Variants in ABCA9 observed in about 807,000 individuals in gnomAD.
ABCA9 encodes ATP-binding cassette sub-family A member 9.
Under a neutral mutation model 205.3 loss-of-function variants are expected in ABCA9, and 183 were observed. The ratio of observed to expected loss-of-function variants is 0.89; its 90% CI spans 0.79 to 1.01. The LOEUF (loss-of-function observed/expected upper bound fraction) is 1.01, where lower values mean the gene tolerates loss of function less well. Ranked by LOEUF, ABCA9 falls within the 50% of genes least tolerant of loss-of-function variation. The pLI is 0.00. For synonymous variants in ABCA9, 651 were observed against 683.3 expected (o/e 0.95, Z 0.74); for missense variants, 1,805 against 1,912.4 (o/e 0.94, Z 1.05).
the ABCA9 span, among the ~76,000 whole-genome samples, chr17:69,067,568 A>G: frequency 6.7e-6 from 1 of 150,304 alleles, no homozygotes; most frequent in African/African-American, 2.4e-5. Flanking sequence ...TTGGAAAAAA[A>G]AAAAAAAGAA....
In ABCA9 at chr17:69,027,060, T is replaced by C. The variant is rs2071015515; in HGVS notation, c.1966A>G (p.Ile656Val). ...TTCCCCTCTTTCAGGAGATTCCATA[T>C]TCGGTGCCTTGAAAGAGGATCCAAT... ...AGLDPLSRHR[I>V]WNLLKEGKSD... The change falls in exon 15 of 39, where the codon ATA becomes GTA. Residue 656 changes from isoleucine (I) to valine (V), a missense_variant. Transcript: ENST00000340001. 1 of 1,614,186 alleles carries C rather than the reference T, an allele frequency of 6.2e-7. No individual in the cohort carries two copies. The highest frequency in any genetic ancestry group is 1.3e-5 in the African/African-American group (1 of 75,068).
intron 23 of ABCA9, 79 bp from the exon 24 acceptor site, chr17:69,008,314 G>T: frequency 7.4e-7 from 1 of 1,352,442 alleles, no homozygotes; most frequent in Non-Finnish European, 1.0e-6. Context: ...AGTCATGAAA[G>T]CATTCATTTT....
At chr17:69,065,795 A>C (rs977484191), upstream of ABCA9, among the ~76,000 whole-genome samples, 4 of 152,022 alleles carry the variant, frequency 2.6e-5, no homozygotes, top group Non-Finnish European at 5.9e-5. Flanking sequence ...CATAATCCCC[A>C]TGTGTCGTGG....
At chr17:68,998,777 T>C (rs1476221242) in intron 25 of ABCA9, among the ~76,000 whole-genome samples, 1 of 151,958 alleles carries the variant, frequency 6.6e-6, no homozygotes, top group Admixed American at 6.5e-5. Context: ...TCAGAATTCA[T>C]TATTAATTCT....
At chr17:68,985,294 A>G (rs1327211295) in intron 32 of ABCA9, among the ~76,000 whole-genome samples, 166 bp from the exon 33 acceptor site, 1 of 152,134 alleles carries the variant, frequency 6.6e-6, no homozygotes, top group African/African-American at 2.4e-5. Context: ...ATAGTCATCA[A>G]ACTCATATTT....
chr17:69,003,870 ATCT>A (rs2069990390), intron 25 of ABCA9, among the ~76,000 whole-genome samples: 1 of 151,806 alleles, frequency 6.6e-6, no homozygotes, highest in African/African-American at 2.4e-5. Context: ...CATTCATTTC[ATCT>A]TCCATCGCTG....
intron 6 of ABCA9, 106 bp downstream of exon 6, chr17:69,043,383 T>C (rs150591400): frequency 1.7e-4 from 143 of 828,826 alleles, no homozygotes; most frequent in African/African-American, 9.2e-4. Context: ...CATGGACCAG[T>C]AGCAGTCTGT....
At chr17:69,051,271 G>T in intron 1 of ABCA9, 132 bp from the exon 2 acceptor site, 1 of 709,660 alleles carries the variant, frequency 1.4e-6, no homozygotes, top group Non-Finnish European at 2.2e-6. Context: ...AAGCCAAAAG[G>T]CTAAAATAAA....
chr17:68,991,334 C>G (rs2069450171), intron 28 of ABCA9, among the ~76,000 whole-genome samples: 1 of 152,072 alleles, frequency 6.6e-6, no homozygotes, highest in African/African-American at 2.4e-5. Context: ...TTTGTGAGAG[C>G]CATGAGTCCA....
intron 19 of ABCA9, 132 bp downstream of exon 19, chr17:69,020,256 A>C (rs904750586): frequency 4.5e-5 from 38 of 847,278 alleles, no homozygotes; most frequent in Non-Finnish European, 6.7e-5. Flanking sequence ...TTAATTAAAA[A>C]ATGATTTCTT....
At chr17:68,979,020 T>C (rs940419081) in intron 37 of ABCA9, among the ~76,000 whole-genome samples, 1 of 152,068 alleles carries the variant, frequency 6.6e-6, no homozygotes. Flanking sequence ...GATGACATGA[T>C]TGTATATCTA....
intron 26 of ABCA9, among the ~76,000 whole-genome samples, chr17:68,993,898 CAG>C (rs2069533981): frequency 6.6e-6 from 1 of 152,026 alleles, no homozygotes; most frequent in Non-Finnish European, 1.5e-5. Context: ...TTTTATGGGA[CAG>C]AGTTTTGTTC....
intron 6 of ABCA9, among the ~76,000 whole-genome samples, chr17:69,041,058 A>T (rs894615855): frequency 7.2e-5 from 11 of 152,188 alleles, no homozygotes; most frequent in Admixed American, 5.2e-4. Flanking sequence ...AAAACAGGAA[A>T]ATTAAATGAA....
chr17:69,050,344 ACAC>A (rs1477555554), intron 2 of ABCA9, among the ~76,000 whole-genome samples: 1 of 4,786 alleles, frequency 2.1e-4, no homozygotes, highest in East Asian at 0.1. Context: ...ACACACACGA[ACAC>A]ACACACACAC....
At chr17:68,994,561 T>C (rs961117852) in intron 26 of ABCA9, among the ~76,000 whole-genome samples, 8 of 152,306 alleles carry the variant, frequency 5.3e-5, no homozygotes, top group East Asian at 3.9e-4. Context: ...GAAATAGTTT[T>C]TCACATCTTT....
Position 69,009,916 on chromosome 17 carries a change from T to C in ABCA9, c.3148-1681A>G, listed in dbSNP as rs538059484. ...ATAAATAACTTTTTGAGTATAAATA[T>C]GTCCCATGCAATATCTGGAAAATAC... is the stretch of plus-strand genomic sequence containing the variant. On this transcript the variant is annotated intron_variant, in intron 23 of 38. Transcript: ENST00000340001. Among the ~76,000 whole-genome samples, 5 of 152,308 alleles carry C rather than the reference T, an allele frequency of 3.3e-5. No homozygotes were observed. In the South Asian group the frequency reaches 1.0e-3, roughly 32 times the overall value.
At position 69,024,217 on chromosome 17, in the gene ABCA9, G is replaced by A. The variant is rs752536538; in HGVS notation, c.2278C>T (p.Pro760Ser). The change falls in exon 17 of 39, where the codon CCA (proline) becomes TCA (serine). Residue 760 changes from proline (P) to serine (S), a missense_variant. By Grantham distance (74) the Pro-to-Ser change is moderately conservative. Coordinates refer to ENST00000340001, the MANE Select transcript of ABCA9 (RefSeq NM_080283.4). Reference protein sequence around the residue: ...ILPLERTNKFPELYRDLDRCS... With the variant: ...ILPLERTNKFSELYRDLDRCS... ...TGTCATCTTTACATTTTGTTACCTGGAAATTTGTTTGTCCTTTCCAAAGGC... is the reference window on the plus strand; with the variant it reads ...TGTCATCTTTACATTTTGTTACCTGAAAATTTGTTTGTCCTTTCCAAAGGC... The A allele has an allele frequency of 1.1e-5, 18 of 1,611,552 alleles. No individual in the cohort carries two copies. The African/African-American group carries it at 2.4e-4, about 22-fold the overall frequency.
intron 1 of ABCA9, among the ~76,000 whole-genome samples, chr17:69,053,697 T>C (rs1301305436): frequency 6.6e-6 from 1 of 151,952 alleles, no homozygotes; most frequent in Non-Finnish European, 1.5e-5. Flanking sequence ...TATGGGACAA[T>C]TGAAAATGTG....
chr17:69,066,241 G>A, the ABCA9 span, among the ~76,000 whole-genome samples: 2 of 152,062 alleles, frequency 1.3e-5, no homozygotes, highest in Non-Finnish European at 2.9e-5. Flanking sequence ...ACCATAGATT[G>A]TAAACAACTG....
Sources: allele counts gnomAD v4.1 joint callset (sites outside exome capture counted in the v4.1 genomes callset), GRCh38; gene constraint gnomAD v4.1.1; transcripts MANE v1.5; gene names NCBI Gene and HGNC (gene_info 2026-07-23, HGNC 2026-07-21).